CNTN4: variants seen among roughly 807,000 people sequenced by gnomAD.
CNTN4 encodes the protein contactin 4, also known as contactin-4.
Under a neutral mutation model 122.5 loss-of-function variants are expected in CNTN4, and 77 were observed. The observed-to-expected ratio is 0.63, with a 90% confidence interval of 0.52 to 0.76. The LOEUF (loss-of-function observed/expected upper bound fraction) is 0.76, where lower values mean the gene tolerates loss of function less well. Among genes scored for constraint, CNTN4 ranks in the 30% least tolerant of loss-of-function variants. The probability of loss-of-function intolerance (pLI) is 0.00; values close to 1 mark genes in which losing one functional copy is unlikely to be tolerated. For synonymous variants in CNTN4, 512 were observed against 447.0 expected, an observed-to-expected ratio of 1.15 and a Z score of -1.83; for missense variants, 1,256 against 1,259.1, an observed-to-expected ratio of 1.00 and a Z score of 0.04.
At chr3:2,764,330 GA>G (rs762414906) in intron 6 of CNTN4, among the ~76,000 whole-genome samples, 11 of 152,178 alleles carry the variant, frequency 7.2e-5, no homozygotes, top group Non-Finnish European at 1.6e-4. Context: ...ACTTCACTAA[GA>G]AAATGATTGT....
chr3:2,964,953 G>A lies in CNTN4; in HGVS notation c.1359-23392G>A, dbSNP rs112540020. ...ATTATGCTTCCATCGTGCCCTACTC[G>A]AGGGGTTGAAGATACAGCAGTGAAT... On this transcript the variant is annotated intron_variant, in intron 13 of 24. Transcript: ENST00000418658. Among the ~76,000 whole-genome samples, 1,315 of 152,178 alleles carry A rather than the reference G, an allele frequency of 8.6e-3. 21 individuals carry two copies. Among genetic ancestry groups the A allele is most frequent in the African/African-American group, 0.03 (1,237 of 41,522 alleles).
chr3:2,606,593 A>G (rs1299680668), intron 4 of CNTN4, among the ~76,000 whole-genome samples: 3 of 152,222 alleles, frequency 2.0e-5, no homozygotes, highest in Admixed American at 2.0e-4. Flanking sequence ...GTTATGACTA[A>G]TTCCATATGC....
At chr3:2,963,628 G>A (rs375044881) in intron 13 of CNTN4, among the ~76,000 whole-genome samples, 4 of 152,204 alleles carry the variant, frequency 2.6e-5, no homozygotes, top group East Asian at 3.9e-4. Context: ...TACAAAGAGA[G>A]GCCTTCCATG....
intron 4 of CNTN4, among the ~76,000 whole-genome samples, chr3:2,612,873 C>G (rs1326830807): frequency 6.6e-6 from 1 of 152,160 alleles, no homozygotes; most frequent in Admixed American, 6.6e-5. Flanking sequence ...ATTTCTCACA[C>G]TGTTTCACCC....
At chr3:2,368,680 TGAACA>T (rs1263349642) in intron 3 of CNTN4, among the ~76,000 whole-genome samples, 6 of 151,096 alleles carry the variant, frequency 4.0e-5, no homozygotes, top group Non-Finnish European at 2.9e-5. Context: ...AAAAAAAAAC[TGAACA>T]GAAGTGCAAG....
In CNTN4 at chr3:2,201,091, C is replaced by T. The variant is rs144425294; in HGVS notation, c.-145+100452C>T. On this transcript the variant is annotated intron_variant, in intron 2 of 24. Transcript: ENST00000418658. Reference sequence around the variant, plus strand: ...AGAAGCTGAAGGGAGAGCAAAGGCACGAATAGAGTAGCCTATTCTCCATTC... The same window carrying T: ...AGAAGCTGAAGGGAGAGCAAAGGCATGAATAGAGTAGCCTATTCTCCATTC... Among the ~76,000 whole-genome samples the T allele has an allele frequency of 1.1e-3, 175 of 152,288 alleles. 2 individuals are homozygous for T. The East Asian group carries it at 0.031, about 27-fold the overall frequency.
At chr3:2,440,601 G>T (rs1232733842) in intron 3 of CNTN4, among the ~76,000 whole-genome samples, 4 of 152,016 alleles carry the variant, frequency 2.6e-5, no homozygotes, top group Non-Finnish European at 5.9e-5. Context: ...GTCTTTGAAT[G>T]ATGGGGTATC....
intron 2 of CNTN4, among the ~76,000 whole-genome samples, chr3:2,243,999 A>G (rs1204068890): frequency 6.6e-6 from 1 of 152,080 alleles, no homozygotes; most frequent in Non-Finnish European, 1.5e-5. Flanking sequence ...TGTGCATTTT[A>G]AGTAACATGT....
At chr3:2,145,288 C>T (rs1262334483) in intron 2 of CNTN4, among the ~76,000 whole-genome samples, 2 of 152,106 alleles carry the variant, frequency 1.3e-5, no homozygotes, top group Non-Finnish European at 2.9e-5. Context: ...TAAAGCAGTC[C>T]ACACATTTAT....
At chr3:2,622,007 G>T (rs929270675) in intron 4 of CNTN4, among the ~76,000 whole-genome samples, 3 of 152,262 alleles carry the variant, frequency 2.0e-5, no homozygotes, top group Admixed American at 6.5e-5. Flanking sequence ...TTTCAGTGCA[G>T]GAAATTCACA....
intron 3 of CNTN4, among the ~76,000 whole-genome samples, chr3:2,546,476 T>C (rs560324679): frequency 6.6e-6 from 1 of 152,036 alleles, no homozygotes; most frequent in African/African-American, 2.4e-5. Flanking sequence ...AGGGGAAGAA[T>C]AGGCACTGGG....
At chr3:2,663,916 T>A (rs1001126994) in intron 4 of CNTN4, among the ~76,000 whole-genome samples, 1 of 152,208 alleles carries the variant, frequency 6.6e-6, no homozygotes, top group Non-Finnish European at 1.5e-5. Context: ...TATTGTCTGA[T>A]TCTATTTGTA....
At chr3:2,227,907 A>T (rs527879403) in intron 2 of CNTN4, among the ~76,000 whole-genome samples, 1 of 152,182 alleles carries the variant, frequency 6.6e-6, no homozygotes, top group East Asian at 1.9e-4. Flanking sequence ...TTTAACAAAC[A>T]CTCAAAGTAA....
Position 2,533,166 on chromosome 3 carries a change from G to C in CNTN4, c.-88-38250G>C, listed in dbSNP as rs548613552. Among the ~76,000 whole-genome samples, 3 of 150,892 alleles carry C rather than the reference G, an allele frequency of 2.0e-5. No individual in the cohort carries two copies. The South Asian group carries it at 6.3e-4, about 32-fold the overall frequency. On this transcript the variant is annotated intron_variant, in intron 3 of 24. Coordinates refer to ENST00000418658, the MANE Select transcript of CNTN4 (RefSeq NM_175607.3). The stretch of plus-strand genomic sequence containing the variant: ...TTTTTAATTATACTTTAAGTTCTAG[G>C]GTACATGTGCACAACAGGCAGGTTT...
At chr3:3,007,675 G>A (rs1210345672) in intron 14 of CNTN4, among the ~76,000 whole-genome samples, 3 of 152,144 alleles carry the variant, frequency 2.0e-5, no homozygotes, top group Non-Finnish European at 4.4e-5. Flanking sequence ...ATACCAGTGT[G>A]GTAAAATATC....
At chr3:2,246,368 C>T (rs1303690124) in intron 2 of CNTN4, among the ~76,000 whole-genome samples, 2 of 151,980 alleles carry the variant, frequency 1.3e-5, no homozygotes, top group Non-Finnish European at 2.9e-5. Context: ...TTTAATACCC[C>T]TTATCCTGAA....
In CNTN4 at chr3:2,572,477, A is replaced by G. The variant is rs139009756; in HGVS notation, c.55+919A>G. 1.3e-3 allele frequency among the ~76,000 whole-genome samples: 192 copies of G among 152,318 alleles called. No homozygotes were observed. The Middle Eastern group carries it at 0.014, about 11-fold the overall frequency. On this transcript the variant is annotated intron_variant, in intron 4 of 24. Coordinates refer to ENST00000418658, the MANE Select transcript of CNTN4 (RefSeq NM_175607.3). ...GGAAGATATGAGTCTAGCAGTTGAC[A>G]TACATCATTCAAGTGCTGGTGCATC...
intron 2 of CNTN4, among the ~76,000 whole-genome samples, chr3:2,302,340 A>G (rs1477367580): frequency 6.6e-6 from 1 of 152,182 alleles, no homozygotes; most frequent in African/African-American, 2.4e-5. Context: ...AGGCAGGAGA[A>G]TCACTTGAAC....
In CNTN4 at chr3:2,543,603, A is replaced by G. The variant is rs546773803; in HGVS notation, c.-88-27813A>G. Among the ~76,000 whole-genome samples, 35 of 152,216 alleles carry G rather than the reference A, an allele frequency of 2.3e-4. No homozygotes were observed. The South Asian group carries it at 6.8e-3, about 30-fold the overall frequency. On this transcript the variant is annotated intron_variant, in intron 3 of 24. Coordinates refer to ENST00000418658, the MANE Select transcript of CNTN4 (RefSeq NM_175607.3). ...GATTTTTAGCTTCAGTGAGGATAAT[A>G]GGGAGCCAAAACAAGACAATTTCAT...
Sources: gnomAD v4.1 joint callset for allele counts (sites outside exome capture counted in the v4.1 genomes callset) on GRCh38, gnomAD v4.1.1 for gene constraint, MANE v1.5 for transcripts, NCBI Gene and HGNC (gene_info 2026-07-23, HGNC 2026-07-21) for gene names.